The following TNIK variants were observed in gnomAD, a reference collection of about 807,000 sequenced individuals.
TNIK encodes TRAF2 and NCK-interacting protein kinase.
In TNIK, 49 loss-of-function variants were observed where a neutral mutation model predicts 191.3. That is an observed-to-expected ratio of 0.26 (90% CI 0.20 to 0.32). The LOEUF is 0.32. TNIK is among the 10% of genes least tolerant of loss of function. TNIK has a pLI of 1.00. For synonymous variants in TNIK, 594 were observed against 600.9 expected (o/e 0.99, Z 0.17); for missense variants, 1,155 against 1,702.3 (o/e 0.68, Z 5.66).
intron 1 of TNIK, among the ~76,000 whole-genome samples, chr3:171,411,202 G>C (rs899439622): frequency 1.3e-5 from 2 of 151,930 alleles, no homozygotes; most frequent in African/African-American, 4.8e-5. Context: ...CAAGGAGCTG[G>C]GACTACAGGC....
intron 1 of TNIK, among the ~76,000 whole-genome samples, chr3:171,444,322 C>G (rs1226940454): frequency 6.6e-6 from 1 of 152,112 alleles, no homozygotes; most frequent in East Asian, 1.9e-4. Context: ...TGTCTAGATT[C>G]CAAATATACA....
chr3:171,271,538 A>T (rs1045982537), intron 2 of TNIK, among the ~76,000 whole-genome samples: 1 of 152,230 alleles, frequency 6.6e-6, no homozygotes, highest in East Asian at 1.9e-4. Context: ...GTTCTTCAAG[A>T]TTAAAACCAA....
At chr3:171,244,397 T>C (rs1745357941) in intron 2 of TNIK, among the ~76,000 whole-genome samples, 1 of 152,144 alleles carries the variant, frequency 6.6e-6, no homozygotes, top group Non-Finnish European at 1.5e-5. Context: ...GCTTACTTAG[T>C]GCTATACTAT....
intron 29 of TNIK, among the ~76,000 whole-genome samples, chr3:171,069,742 A>G (rs1718943109): frequency 6.6e-6 from 1 of 152,152 alleles, no homozygotes; most frequent in African/African-American, 2.4e-5. Flanking sequence ...CTATTTTTTA[A>G]CCACGCTCTA....
intron 8 of TNIK, among the ~76,000 whole-genome samples, chr3:171,177,049 A>T (rs1283204730): frequency 6.6e-6 from 1 of 152,086 alleles, no homozygotes; most frequent in Non-Finnish European, 1.5e-5. Flanking sequence ...TCCAAGAATA[A>T]ATGATGTACA....
intron 7 of TNIK, among the ~76,000 whole-genome samples, chr3:171,183,660 C>A (rs1215895151): frequency 6.6e-6 from 1 of 152,066 alleles, no homozygotes; most frequent in Admixed American, 6.6e-5. Context: ...CAGTGGCTCA[C>A]GCTTGTAATC....
intron 2 of TNIK, among the ~76,000 whole-genome samples, chr3:171,288,807 C>CAAAAAAA (rs10666822): frequency 1.8e-5 from 2 of 109,076 alleles, no homozygotes; most frequent in African/African-American, 7.1e-5. Flanking sequence ...GACTCCATCT[C>CAAAAAAA]AAAAAAAAAA....
chr3:171,303,868 C>A (rs1419466839), intron 2 of TNIK, among the ~76,000 whole-genome samples: 1 of 152,138 alleles, frequency 6.6e-6, no homozygotes, highest in Non-Finnish European at 1.5e-5. Context: ...AGGAAGGCAA[C>A]ACCAGGACCT....
At chr3:171,286,264 A>G (rs923917570) in intron 2 of TNIK, among the ~76,000 whole-genome samples, 5 of 152,328 alleles carry the variant, frequency 3.3e-5, no homozygotes, top group Admixed American at 2.6e-4. Flanking sequence ...TCCCTACTAT[A>G]GTACTTAGAA....
rs1372873066 is a variant in TNIK at position 171,288,242 on chromosome 3, G to A, written c.124-60021C>T. Among the ~76,000 whole-genome samples, 47 of 148,620 alleles carry A rather than the reference G, an allele frequency of 3.2e-4. No homozygotes were observed. The East Asian group carries it at 7.3e-3, about 23-fold the overall frequency. On this transcript the variant is annotated intron_variant, in intron 2 of 32. Transcript: ENST00000436636. ...TAGATGACGAGTTAGTGGGTGCAGC[G>A]CACCAGCATGGCACATGTATACATA... is the stretch of plus-strand genomic sequence containing the variant.
intron 1 of TNIK, among the ~76,000 whole-genome samples, chr3:171,417,597 A>G (rs1273029522): frequency 6.6e-6 from 1 of 152,140 alleles, no homozygotes; most frequent in Non-Finnish European, 1.5e-5. Context: ...AGCTTTTTAA[A>G]TTTCCATTTC....
intron 2 of TNIK, among the ~76,000 whole-genome samples, chr3:171,338,955 TA>T (rs1757252077): frequency 6.6e-6 from 1 of 152,242 alleles, no homozygotes; most frequent in Non-Finnish European, 1.5e-5. Context: ...CCCAAGCTCA[TA>T]ATGACTATGC....
chr3:171,098,117 T>G lies in TNIK; in HGVS notation c.2591+3332A>C, dbSNP rs34685200. ...GCATAGTGGCTTCCTTCCAAAGGTA[T>G]AGCATAGAAAAAAGCGGAAATAAAA... On this transcript the variant is annotated intron_variant, in intron 22 of 32. Coordinates refer to ENST00000436636, the MANE Select transcript of TNIK (RefSeq NM_015028.4). 7.3e-4 allele frequency among the ~76,000 whole-genome samples: 110 copies of G among 151,660 alleles called. 1 individual carries two copies. Among genetic ancestry groups the G allele is most frequent in the Non-Finnish European group, 1.9e-4 (13 of 67,884 alleles).
chr3:171,344,849 G>A (rs1297076157), intron 2 of TNIK, among the ~76,000 whole-genome samples: 1 of 152,074 alleles, frequency 6.6e-6, no homozygotes, highest in Admixed American at 6.6e-5. Flanking sequence ...TCTGGAGTGA[G>A]AATATTTAAC....
intron 2 of TNIK, among the ~76,000 whole-genome samples, chr3:171,365,551 G>T (rs1226290757): frequency 6.6e-6 from 1 of 152,052 alleles, no homozygotes; most frequent in East Asian, 1.9e-4. Context: ...GTATGAAATG[G>T]GGTTGAAATG....
chr3:171,117,115 A>G (rs527560655), intron 18 of TNIK, among the ~76,000 whole-genome samples: 4 of 152,344 alleles, frequency 2.6e-5, no homozygotes, highest in South Asian at 2.1e-4. Flanking sequence ...TCATGAGACA[A>G]CAACTTCGAA....
intron 1 of TNIK, among the ~76,000 whole-genome samples, chr3:171,393,698 A>G (rs1177282888): frequency 4.6e-5 from 7 of 152,360 alleles, no homozygotes; most frequent in South Asian, 2.1e-4. Flanking sequence ...CAGAAGGACA[A>G]GCCTTCAAGG....
At chr3:171,067,825 A>G (rs566404680) in intron 30 of TNIK, among the ~76,000 whole-genome samples, 14 of 125,292 alleles carry the variant, frequency 1.1e-4, no homozygotes, top group Admixed American at 7.5e-4. Context: ...GAGGATTATC[A>G]TAGTTACACC....
At chr3:171,112,562 C>T (rs1726006456) in intron 18 of TNIK, among the ~76,000 whole-genome samples, 2 of 152,180 alleles carry the variant, frequency 1.3e-5, no homozygotes, top group Non-Finnish European at 2.9e-5. Flanking sequence ...CTATATTTTA[C>T]TATTGTACAT....
Sources: allele counts gnomAD v4.1 joint callset (sites outside exome capture counted in the v4.1 genomes callset), GRCh38; gene constraint gnomAD v4.1.1; transcripts MANE v1.5; gene names NCBI Gene and HGNC (gene_info 2026-07-23, HGNC 2026-07-21).